Variants in MORC2 observed in about 807,000 individuals in gnomAD.
MORC2 encodes the protein MORC family CW-type zinc finger 2.
Under a neutral mutation model 136.0 loss-of-function variants are expected in MORC2, and 30 were observed. The observed-to-expected ratio is 0.22, with a 90% CI of 0.17 to 0.30. The LOEUF is 0.30. Ranked by LOEUF, MORC2 falls within the 10% of genes least tolerant of loss-of-function variation. MORC2 has a pLI of 1.00. For synonymous variants in MORC2, 439 were observed against 487.0 expected (o/e 0.90, Z 1.30); for missense variants, 922 against 1,333.1 (o/e 0.69, Z 4.80).
chr22:30,959,855 T>C (rs574103154), intron 1 of MORC2, among the ~76,000 whole-genome samples: 28 of 152,366 alleles, frequency 1.8e-4, no homozygotes, highest in African/African-American at 6.3e-4. Context: ...TCGCTTACCA[T>C]ATTGCAAACA....
chr22:30,950,037 C>T (rs1468424428), intron 4 of MORC2, among the ~76,000 whole-genome samples, 195 bp from the exon 5 acceptor site: 1 of 152,132 alleles, frequency 6.6e-6, no homozygotes, highest in African/African-American at 2.4e-5. Flanking sequence ...ATCACTGTGA[C>T]CTATGTTCTA....
intron 1 of MORC2, among the ~76,000 whole-genome samples, chr22:30,966,281 C>T (rs1028137871): frequency 1.3e-5 from 2 of 152,130 alleles, no homozygotes; most frequent in Non-Finnish European, 2.9e-5. Flanking sequence ...GCTGAGATAA[C>T]CATTTATCAA....
intron 1 of MORC2, among the ~76,000 whole-genome samples, chr22:30,961,147 G>A (rs1569204422): frequency 6.6e-6 from 1 of 151,628 alleles, no homozygotes; most frequent in Non-Finnish European, 1.5e-5. Context: ...TGGAATTACA[G>A]GCGTGAGCCA....
At chr22:30,927,210 G>A (rs930018710) in intron 25 of MORC2, among the ~76,000 whole-genome samples, 1 of 151,982 alleles carries the variant, frequency 6.6e-6, no homozygotes, top group Non-Finnish European at 1.5e-5. Context: ...GACAACTGTG[G>A]GAGCCTCCTC....
At chr22:30,950,337 G>GCGGGGGCCCCCCC in intron 4 of MORC2, 40 bp downstream of exon 4, 3 of 761,738 alleles carry the variant, frequency 3.9e-6, no homozygotes, top group Non-Finnish European at 7.0e-6. Context: ...TGGTTACATC[G>GCGGGGGCCCCCCC]CACCCCCCCA....
At chr22:30,944,849 C>G (rs2040793567) in intron 6 of MORC2, among the ~76,000 whole-genome samples, 1 of 152,250 alleles carries the variant, frequency 6.6e-6, no homozygotes, top group Non-Finnish European at 1.5e-5. Context: ...TACCGCCAAG[C>G]TACAGAGCCT....
rs746302958 is a variant in MORC2 at position 30,934,233 on chromosome 22, G to C, written c.2194-42C>G. The C allele has an allele frequency of 6.2e-7, 1 of 1,612,878 alleles. No individual in the cohort carries two copies. Among genetic ancestry groups the C allele is most frequent in the East Asian group, 2.2e-5 (1 of 44,868 alleles). ...GTGAGGATGTGAGGGGCCCTGTTCA[G>C]CCTCTAAGGAGCAGGAAGATTTCAT... is the stretch of plus-strand genomic sequence containing the variant. On this transcript the variant is annotated intron_variant, in intron 19 of 25. Coordinates refer to ENST00000397641, the MANE Select transcript of MORC2 (RefSeq NM_001303256.3). This position sits in a 1 kb window ranked among gnomAD's most constrained non-coding sequence, Gnocchi z 4.4.
intron 3 of MORC2, 22 bp from the exon 4 acceptor site, chr22:30,950,467 T>C: frequency 6.2e-7 from 1 of 1,609,056 alleles, no homozygotes; most frequent in Admixed American, 1.7e-5. Flanking sequence ...GCAGCTGCCA[T>C]TACTGGGCCG....
rs534630834 is a variant in MORC2, at chr22:30,963,556, T to C, written c.68+4266A>G. On this transcript the variant is annotated intron_variant, in intron 1 of 25. Coordinates refer to ENST00000397641, the MANE Select transcript of MORC2 (RefSeq NM_001303256.3). ...CAAGCTACCATGCCCGGCTAATTTTTTGTATTTTTAATAGCGATGGGGTTT... is the reference window on the plus strand; with the variant it reads ...CAAGCTACCATGCCCGGCTAATTTTCTGTATTTTTAATAGCGATGGGGTTT... 1.8e-4 allele frequency among the ~76,000 whole-genome samples: 28 copies of C among 152,160 alleles called. No individual in the cohort carries two copies. The South Asian group carries it at 5.8e-3, about 32-fold the overall frequency.
chr22:30,939,519 G>T (rs2040708928), intron 12 of MORC2, 102 bp downstream of exon 12: 3 of 1,111,896 alleles, frequency 2.7e-6, no homozygotes, highest in Non-Finnish European at 3.9e-6. Flanking sequence ...CAAGCATTTG[G>T]CATTAAAACA....
rs796275513 is a variant in MORC2 at position 30,939,538 on chromosome 22, T to C, written c.1073+83A>G. ...CATTTGGCATTAAAACAAAGCAGTC[T>C]TGGTGACAGAATAGCAACCTGTCAA... On this transcript the variant is annotated intron_variant, in intron 12 of 25. Transcript: ENST00000397641. 1.5e-5 allele frequency: 21 copies of C among 1,369,930 alleles called. No homozygotes were observed. The African/African-American group carries it at 2.9e-4, about 19-fold the overall frequency. 84.9% of individuals were successfully genotyped at this position (1,369,930 alleles called of 1,614,324 possible).
At chr22:30,956,260 C>T (rs993214953) in intron 3 of MORC2, among the ~76,000 whole-genome samples, 5 of 152,176 alleles carry the variant, frequency 3.3e-5, no homozygotes, top group Non-Finnish European at 7.3e-5. Flanking sequence ...GCCAAGCAGC[C>T]TTCCTTCCTG....
chr22:30,946,505 A>G (rs2147277017), intron 5 of MORC2, 56 bp from the exon 6 acceptor site: 1 of 1,448,826 alleles, frequency 6.9e-7, no homozygotes, highest in South Asian at 1.2e-5. Context: ...GCTCATCTGC[A>G]AAAGAAATCA....
chr22:30,941,857 T>A lies in MORC2; in HGVS notation c.698+34A>T. 2 of 1,546,152 alleles carry A rather than the reference T, an allele frequency of 1.3e-6. No individual in the cohort carries two copies. The highest frequency in any genetic ancestry group is 1.8e-6 in the Non-Finnish European group (2 of 1,120,652). ...ATCTCCTGAGAGCACAAACGCCAGT[T>A]CCAGGGCCTCCCTCCCTTCCCAGCC... On this transcript the variant is annotated intron_variant, in intron 8 of 25. Coordinates refer to ENST00000397641, the MANE Select transcript of MORC2 (RefSeq NM_001303256.3). The surrounding 1 kb of genome is among the most constrained non-coding windows in gnomAD (Gnocchi z 4.6).
At chr22:30,947,466 A>C (rs1184005917) in intron 5 of MORC2, among the ~76,000 whole-genome samples, 1 of 152,172 alleles carries the variant, frequency 6.6e-6, no homozygotes, top group Non-Finnish European at 1.5e-5. Flanking sequence ...AGTCTTTATA[A>C]CACCCCAGGG....
At chr22:30,963,208 C>T in intron 1 of MORC2, 1 of 503,168 alleles carries the variant, frequency 2.0e-6, no homozygotes, top group Non-Finnish European at 2.6e-6. Flanking sequence ...AATCTCCTGA[C>T]CTCGTGATCC....
At chr22:30,933,256 G>A (rs1051796739) in intron 21 of MORC2, among the ~76,000 whole-genome samples, 1 of 152,268 alleles carries the variant, frequency 6.6e-6, no homozygotes, top group Non-Finnish European at 1.5e-5. Context: ...CGCCAGGAGT[G>A]AACACCAAGG....
chr22:30,935,163 TA>T lies in MORC2; in HGVS notation c.1813-3del, dbSNP rs777649506. 2.5e-6 allele frequency: 4 copies of T among 1,611,060 alleles called. No homozygotes were observed. Among genetic ancestry groups the T allele is most frequent in the Admixed American group, 1.7e-5 (1 of 59,470 alleles). On this transcript the variant is annotated splice_region_variant and splice_polypyrimidine_tract_variant and intron_variant, in intron 18 of 25. Coordinates refer to ENST00000397641, the MANE Select transcript of MORC2 (RefSeq NM_001303256.3). ...ACGCTGAGGTCTACGCACAGGTTCC[TA>T]AAAAAAGGCCCACAGAGAGTGAGAA...
At position 30,968,143 on chromosome 22, in the gene MORC2, G is replaced by GTTAA. The variant is rs1241212133; in HGVS notation, c.-255_-254insTTAA. On this transcript the variant is annotated 5_prime_UTR_variant, in exon 1 of 26. Transcript: ENST00000397641. Reference sequence around the variant, plus strand: ...GAAGGAACTATGTCATAAATCTGTAGCTTTAAGGAGCTTTTAGCATTAAGT... The same window carrying GTTAA: ...GAAGGAACTATGTCATAAATCTGTAGTTAACTTTAAGGAGCTTTTAGCATTAAGT... 3 of 434,060 alleles carry GTTAA rather than the reference G, an allele frequency of 6.9e-6. No individual in the cohort carries two copies. Among genetic ancestry groups the GTTAA allele is most frequent in the Non-Finnish European group, 1.3e-5 (3 of 239,794 alleles). 26.9% of individuals were successfully genotyped at this position (434,060 alleles called of 1,614,324 possible). A position where few individuals can be genotyped will look rare whatever the true frequency, so the allele number is the denominator to read the frequency against.
Sources: gnomAD v4.1 joint callset for allele counts (sites outside exome capture counted in the v4.1 genomes callset) on GRCh38, gnomAD v4.1.1 for gene constraint, Gnocchi (gnomAD v3.1) non-coding constraint, MANE v1.5 for transcripts, NCBI Gene and HGNC (gene_info 2026-07-23, HGNC 2026-07-21) for gene names.